Variants in ACBD5 observed in about 807,000 individuals in gnomAD.
ACBD5 encodes acyl-CoA binding domain containing 5, also known as acyl-CoA-binding domain-containing protein 5.
In ACBD5, 40 loss-of-function variants were observed where a neutral mutation model predicts 71.8. The ratio of observed to expected loss-of-function variants is 0.56; its 90% CI spans 0.43 to 0.72. The LOEUF is 0.72. Ranked by LOEUF, ACBD5 falls within the 30% of genes least tolerant of loss-of-function variation. The pLI is 0.00. For missense variants in ACBD5, 559 were observed against 644.5 expected (o/e 0.87, Z 1.44); for synonymous variants, 229 against 218.6 (o/e 1.05, Z -0.42).
Position 27,231,816 on chromosome 10 carries a change from C to T in ACBD5, c.307G>A (p.Ala103Thr), listed in dbSNP as rs2063904066. ...WDPIGRYKWDAWSSLGDMTKE... is the reference protein window; with the variant it reads ...WDPIGRYKWDTWSSLGDMTKE... Reference sequence around the variant, plus strand: ...GTCATATCACCCAGTGAACTCCAAGCATCCCTAGAAATGAAAGTATCCACA... The same window carrying T: ...GTCATATCACCCAGTGAACTCCAAGTATCCCTAGAAATGAAAGTATCCACA... Residue 103 changes from alanine (A) to threonine (T), a missense_variant, in exon 4 of 13, where the codon GCT becomes ACT. Physicochemically the swap from Ala to Thr is moderately conservative, Grantham distance 58. Transcript: ENST00000396271. 1 of 1,613,330 alleles carries T rather than the reference C, an allele frequency of 6.2e-7. No individual in the cohort carries two copies. The highest frequency in any genetic ancestry group is 2.2e-5 in the East Asian group (1 of 44,836).
intron 12 of ACBD5, among the ~76,000 whole-genome samples, chr10:27,198,448 T>C (rs1292347650): frequency 6.6e-6 from 1 of 152,188 alleles, no homozygotes; most frequent in African/African-American, 2.4e-5. Flanking sequence ...TCATAACAGA[T>C]TGATTCCTCT....
chr10:27,199,631 G>C (rs1487048584), intron 12 of ACBD5, among the ~76,000 whole-genome samples: 1 of 152,068 alleles, frequency 6.6e-6, no homozygotes, highest in African/African-American at 2.4e-5. Flanking sequence ...CTGACTTTTT[G>C]TGTCAGTGCC....
chr10:27,219,310 A>G (rs2062038501), intron 6 of ACBD5, among the ~76,000 whole-genome samples: 1 of 61,972 alleles, frequency 1.6e-5, no homozygotes, highest in South Asian at 4.7e-4. Context: ...CTATCTCATA[A>G]AAAAACAAAA....
At chr10:27,225,349 G>T (rs534623504) in intron 4 of ACBD5, among the ~76,000 whole-genome samples, 108 of 152,258 alleles carry the variant, frequency 7.1e-4, no homozygotes, top group African/African-American at 2.6e-3. Context: ...ATGGATCATT[G>T]GTGGTCTATG....
chr10:27,235,441 A>G (rs147795074), intron 2 of ACBD5, among the ~76,000 whole-genome samples: 22 of 152,382 alleles, frequency 1.4e-4, no homozygotes, highest in African/African-American at 5.3e-4. Context: ...AAGATGGTTC[A>G]ATAAATAAAA....
At chr10:27,239,692 G>A (rs1312612868) in intron 2 of ACBD5, among the ~76,000 whole-genome samples, 1 of 152,146 alleles carries the variant, frequency 6.6e-6, no homozygotes, top group Non-Finnish European at 1.5e-5. Flanking sequence ...CGCTTAAGCT[G>A]GTAGACCCTA....
intron 7 of ACBD5, 94 bp downstream of exon 7, chr10:27,217,886 G>T (rs2061848504): frequency 2.6e-6 from 3 of 1,159,024 alleles, no homozygotes; most frequent in Admixed American, 2.2e-5. Flanking sequence ...TTAAATAAGA[G>T]ATTTTTAAAT....
At position 27,218,035 on chromosome 10, in the gene ACBD5, C is replaced by T. The variant is rs1479642036; in HGVS notation, c.774G>A (p.Lys258=). 6.2e-7 allele frequency: 1 copy of T among 1,614,102 alleles called. No individual in the cohort carries two copies. Among genetic ancestry groups the T allele is most frequent in the Non-Finnish European group, 8.5e-7 (1 of 1,180,020 alleles). The change falls in exon 7 of 13, where the codon AAG becomes AAA. Residue 258 remains lysine (K), a synonymous_variant. Transcript: ENST00000396271. ...TTTGCCCCAAGTTTTCATCAATGGG[C>T]TTTACTTCTTCAGTGCTTCTGCCAT... ...SLNGRSTEEV[K]PIDENLGQTG...
chr10:27,239,896 G>A (rs573749351), intron 2 of ACBD5, among the ~76,000 whole-genome samples: 1 of 152,150 alleles, frequency 6.6e-6, no homozygotes, highest in Non-Finnish European at 1.5e-5. Context: ...ACAGGCGCAC[G>A]CCACGAAGCC....
At chr10:27,227,072 T>G (rs970773940) in intron 4 of ACBD5, among the ~76,000 whole-genome samples, 3 of 150,414 alleles carry the variant, frequency 2.0e-5, no homozygotes, top group Non-Finnish European at 4.4e-5. Flanking sequence ...ATTTTATGTG[T>G]GGCCTAAAAT....
rs763852795 is a variant in ACBD5, at chr10:27,210,956, A to G, written c.1062T>C (p.Ile354=). The change falls in exon 9 of 13, where the codon ATT becomes ATC. Residue 354 remains isoleucine, a synonymous_variant. Coordinates refer to ENST00000396271, the MANE Select transcript of ACBD5 (RefSeq NM_145698.5). The part of the protein sequence containing the change: ...DIQVPPGNGN[I]GNMQVVAVEG... ...CAACTGCAACCACCTGCATATTCCC[A>G]ATGTTGCCATTTCCAGGAGGTACTT... The G allele has an allele frequency of 6.2e-7, 1 of 1,614,102 alleles. No homozygotes were observed. Among genetic ancestry groups the G allele is most frequent in the Non-Finnish European group, 8.5e-7 (1 of 1,180,026 alleles).
At chr10:27,228,536 C>T (rs1461259022) in intron 4 of ACBD5, among the ~76,000 whole-genome samples, 2 of 151,240 alleles carry the variant, frequency 1.3e-5, no homozygotes, top group Non-Finnish European at 2.9e-5. Context: ...AAGATGGCGC[C>T]GTTACACTCT....
At chr10:27,239,867 C>T (rs977242871) in intron 2 of ACBD5, among the ~76,000 whole-genome samples, 4 of 152,204 alleles carry the variant, frequency 2.6e-5, no homozygotes, top group African/African-American at 9.7e-5. Flanking sequence ...CTGTCTCAGC[C>T]TCCCGAGTAG....
At chr10:27,192,993 C>G (rs565740846), downstream of ACBD5, among the ~76,000 whole-genome samples, 2 of 151,780 alleles carry the variant, frequency 1.3e-5, no homozygotes, top group Admixed American at 1.3e-4. Context: ...AAGTTCTCTT[C>G]AACACATGTT....
chr10:27,219,594 G>A (rs2062083460), intron 6 of ACBD5, 129 bp downstream of exon 6: 1 of 1,290,156 alleles, frequency 7.8e-7, no homozygotes, highest in Non-Finnish European at 1.1e-6. Flanking sequence ...CAGCAAACTT[G>A]TTTATAAGGT....
chr10:27,221,139 CT>C (rs10710568), intron 5 of ACBD5, among the ~76,000 whole-genome samples: 107,646 of 151,968 alleles, frequency 0.71, 38,241 homozygotes, highest in Admixed American at 0.72. Flanking sequence ...ACTTACAACC[CT>C]TGGATCCAGA....
rs1178929738 is a variant in ACBD5 at position 27,195,329 on chromosome 10, A to G, written c.*2101T>C. The G allele has an allele frequency of 2.2e-6, 1 of 452,934 alleles. No individual in the cohort carries two copies. Among genetic ancestry groups the G allele is most frequent in the East Asian group, 6.9e-5 (1 of 14,412 alleles). The allele number at this position is 452,934 out of a possible 1,614,324, so 28.1% of individuals were successfully genotyped here. Reference sequence around the variant, plus strand: ...AAATGAGGTTCTTATTAAACAAAGCAGGAACACTATATCCTATAATTACAT... The same window carrying G: ...AAATGAGGTTCTTATTAAACAAAGCGGGAACACTATATCCTATAATTACAT... On this transcript the variant is annotated 3_prime_UTR_variant, in exon 13 of 13. Transcript: ENST00000396271.
intron 6 of ACBD5, 54 bp from the exon 7 acceptor site, chr10:27,218,237 G>T (rs2061896896): frequency 7.4e-7 from 1 of 1,350,694 alleles, no homozygotes; most frequent in Non-Finnish European, 1.1e-6. Flanking sequence ...GTCACCTTCT[G>T]CATACCATGT....
At chr10:27,205,315 T>C in intron 10 of ACBD5, 67 bp from the exon 11 acceptor site, 1 of 1,514,916 alleles carries the variant, frequency 6.6e-7, no homozygotes, top group Non-Finnish European at 9.1e-7. Context: ...TTCTATTTCC[T>C]ATCTTTTTTT....
Sources: gnomAD v4.1 joint callset for allele counts (sites outside exome capture counted in the v4.1 genomes callset) on GRCh38, gnomAD v4.1.1 for gene constraint, MANE v1.5 for transcripts, NCBI Gene and HGNC (gene_info 2026-07-23, HGNC 2026-07-21) for gene names.